Variants in AIG1 observed in about 807,000 individuals in gnomAD.
AIG1 encodes the protein androgen-induced gene 1 protein.
In AIG1, 23 loss-of-function variants were observed where a neutral mutation model predicts 31.4. The ratio of observed to expected loss-of-function variants is 0.73; its 90% CI spans 0.53 to 1.04. The LOEUF (loss-of-function observed/expected upper bound fraction) is 1.04. Ranked by LOEUF, AIG1 falls within the 50% of genes least tolerant of loss-of-function variation. The pLI, the probability that AIG1 is intolerant of heterozygous loss-of-function variation, is 0.00. For synonymous variants in AIG1, 100 were observed against 110.5 expected (o/e 0.90, Z 0.60); for missense variants, 274 against 295.0 (o/e 0.93, Z 0.52).
chr6:143,113,060 C>T (rs987686146), intron 1 of AIG1, among the ~76,000 whole-genome samples: 3 of 152,120 alleles, frequency 2.0e-5, no homozygotes, highest in South Asian at 2.1e-4. Context: ...TGGTGGCTCA[C>T]GTCTGAGATC....
intron 5 of AIG1, chr6:143,335,106 A>G: frequency 7.0e-7 from 1 of 1,438,194 alleles, no homozygotes; most frequent in Non-Finnish European, 9.2e-7. Context: ...ACAAAGACAG[A>G]TGTTTTGTGC....
At chr6:143,100,468 C>T (rs767198829) in intron 1 of AIG1, among the ~76,000 whole-genome samples, 1 of 152,134 alleles carries the variant, frequency 6.6e-6, no homozygotes, top group African/African-American at 2.4e-5. Flanking sequence ...TTGTCCATAG[C>T]TTTAATCCAC....
chr6:143,119,101 T>C (rs1012355827), intron 1 of AIG1, among the ~76,000 whole-genome samples: 1 of 152,142 alleles, frequency 6.6e-6, no homozygotes, highest in Non-Finnish European at 1.5e-5. Context: ...CTCGAACTTC[T>C]AGGCCCAAGG....
intron 3 of AIG1, among the ~76,000 whole-genome samples, chr6:143,215,780 T>G (rs1791979541): frequency 6.6e-6 from 1 of 152,166 alleles, no homozygotes; most frequent in Non-Finnish European, 1.5e-5. Flanking sequence ...TCTAGACTTC[T>G]TTACATAAGA....
intron 3 of AIG1, among the ~76,000 whole-genome samples, chr6:143,275,837 G>C (rs190352433): frequency 1.8e-4 from 28 of 152,258 alleles, no homozygotes; most frequent in African/African-American, 6.5e-4. Flanking sequence ...TATTCTGTGA[G>C]AACTACACAT....
intron 3 of AIG1, among the ~76,000 whole-genome samples, chr6:143,209,088 A>T (rs1007366562): frequency 5.9e-5 from 9 of 152,180 alleles, no homozygotes; most frequent in Non-Finnish European, 1.3e-4. Context: ...CTGTTAGTTA[A>T]CCTAGAAGGT....
At chr6:143,106,312 A>G (rs182733267) in intron 1 of AIG1, among the ~76,000 whole-genome samples, 1 of 152,178 alleles carries the variant, frequency 6.6e-6, no homozygotes, top group Non-Finnish European at 1.5e-5. Flanking sequence ...GTTCTCCCTC[A>G]CAGCCCATCC....
chr6:143,227,170 A>T (rs566024225), intron 3 of AIG1, among the ~76,000 whole-genome samples: 137 of 152,158 alleles, frequency 9.0e-4, no homozygotes, highest in Non-Finnish European at 1.5e-3. Context: ...TCTTGAACAA[A>T]GGTAAAAGAC....
intron 3 of AIG1, 144 bp downstream of exon 3, chr6:143,165,327 T>C (rs1786818202): frequency 3.2e-6 from 2 of 617,800 alleles, no homozygotes; most frequent in Non-Finnish European, 5.7e-6. Flanking sequence ...AATTAGAGAA[T>C]ACTGTAATAT....
intron 3 of AIG1, among the ~76,000 whole-genome samples, chr6:143,282,603 A>C (rs896507666): frequency 1.3e-5 from 2 of 152,234 alleles, no homozygotes; most frequent in African/African-American, 4.8e-5. Flanking sequence ...AAAGATAAAG[A>C]AATATAAAGC....
rs571295009 is a variant in AIG1, at chr6:143,192,067, A to T, written c.399+26884A>T. Among the ~76,000 whole-genome samples, 10 of 152,368 alleles carry T rather than the reference A, an allele frequency of 6.6e-5. No individual in the cohort carries two copies. The East Asian group carries it at 1.9e-3, about 29-fold the overall frequency. On this transcript the variant is annotated intron_variant, in intron 3 of 5. Transcript: ENST00000357847. ...TGTAGATGTAAAAAACATAAAAGTGATAAAATCAATTGTTTAATTGCTTTA... is the reference window on the plus strand; with the variant it reads ...TGTAGATGTAAAAAACATAAAAGTGTTAAAATCAATTGTTTAATTGCTTTA...
Position 143,169,817 on chromosome 6 carries a change from A to G in AIG1, c.399+4634A>G, listed in dbSNP as rs1787320366. On this transcript the variant is annotated intron_variant, in intron 3 of 5. Coordinates refer to ENST00000357847, the MANE Select transcript of AIG1 (RefSeq NM_016108.4). ...TTGTTGAGAGTTGTTATTGTAAATG[A>G]TATTTAATTTTATCAAATACTTTTT... 2.6e-5 allele frequency among the ~76,000 whole-genome samples: 4 copies of G among 152,242 alleles called. No homozygotes were observed. The South Asian group carries it at 8.3e-4, about 32-fold the overall frequency.
intron 3 of AIG1, among the ~76,000 whole-genome samples, chr6:143,204,937 C>T (rs1234738675): frequency 1.3e-5 from 2 of 152,066 alleles, no homozygotes; most frequent in Non-Finnish European, 2.9e-5. Flanking sequence ...AATTATGCTA[C>T]CCACCATCCA....
chr6:143,101,895 C>A (rs1280410179), intron 1 of AIG1, among the ~76,000 whole-genome samples: 1 of 152,140 alleles, frequency 6.6e-6, no homozygotes, highest in Non-Finnish European at 1.5e-5. Context: ...TTTACAATTT[C>A]TAATGCCCAA....
intron 3 of AIG1, among the ~76,000 whole-genome samples, chr6:143,192,003 A>G (rs1310352393): frequency 6.6e-6 from 1 of 152,222 alleles, no homozygotes; most frequent in Non-Finnish European, 1.5e-5. Flanking sequence ...ATTATCATGC[A>G]TTTACAATGA....
At chr6:143,099,913 T>C (rs1780100476) in intron 1 of AIG1, among the ~76,000 whole-genome samples, 1 of 152,208 alleles carries the variant, frequency 6.6e-6, no homozygotes, top group Non-Finnish European at 1.5e-5. Context: ...CTTTGTTGTT[T>C]GGGAGGCTCA....
intron 1 of AIG1, among the ~76,000 whole-genome samples, chr6:143,085,125 C>T (rs1778645525): frequency 6.6e-6 from 1 of 152,068 alleles, no homozygotes; most frequent in South Asian, 2.1e-4. Context: ...GAGAATTTAC[C>T]TAGGTCTATT....
chr6:143,207,817 A>G (rs1260517337), intron 3 of AIG1, among the ~76,000 whole-genome samples: 6 of 152,164 alleles, frequency 3.9e-5, no homozygotes, highest in Non-Finnish European at 8.8e-5. Flanking sequence ...TTTTTTTCAC[A>G]GTACATTTTG....
chr6:143,064,588 C>T (rs1776528210), intron 1 of AIG1, among the ~76,000 whole-genome samples: 1 of 152,198 alleles, frequency 6.6e-6, no homozygotes, highest in Non-Finnish European at 1.5e-5. Context: ...AACTAGTATA[C>T]TTGGCTTTAA....
Sources: gnomAD v4.1 joint callset for allele counts (sites outside exome capture counted in the v4.1 genomes callset) on GRCh38, gnomAD v4.1.1 for gene constraint, MANE v1.5 for transcripts, NCBI Gene and HGNC (gene_info 2026-07-23, HGNC 2026-07-21) for gene names.